INPP4B: variants seen among roughly 807,000 people sequenced by gnomAD.
The protein encoded by INPP4B is inositol polyphosphate-4-phosphatase type II B, also known as inositol polyphosphate 4-phosphatase type II.
Under a neutral mutation model 122.5 loss-of-function variants are expected in INPP4B, and 55 were observed. That is an observed-to-expected ratio of 0.45 (90% CI 0.36 to 0.56). The LOEUF is 0.56. Among genes scored for constraint, INPP4B ranks in the 20% least tolerant of loss-of-function variants. INPP4B has a pLI of 0.00. For missense variants in INPP4B, 1,000 were observed against 1,097.7 expected (o/e 0.91, Z 1.26); for synonymous variants, 403 against 388.7 (o/e 1.04, Z -0.43).
At chr4:142,507,773 C>T (rs1288269795) in intron 2 of INPP4B, among the ~76,000 whole-genome samples, 1 of 152,084 alleles carries the variant, frequency 6.6e-6, no homozygotes, top group African/African-American at 2.4e-5. Flanking sequence ...GGCAATAAAG[C>T]AGGCCTTGGC....
At chr4:142,694,605 T>C (rs1760760405) in intron 2 of INPP4B, among the ~76,000 whole-genome samples, 1 of 152,166 alleles carries the variant, frequency 6.6e-6, no homozygotes, top group Admixed American at 6.5e-5. Flanking sequence ...TTTAGAATTG[T>C]TTAACTTGTC....
At chr4:142,603,032 G>T (rs1740397498) in intron 2 of INPP4B, among the ~76,000 whole-genome samples, 1 of 152,090 alleles carries the variant, frequency 6.6e-6, no homozygotes, top group South Asian at 2.1e-4. Context: ...TATACACCAT[G>T]GAATACTACA....
chr4:142,583,088 T>C (rs953593876), intron 2 of INPP4B, among the ~76,000 whole-genome samples: 11 of 152,120 alleles, frequency 7.2e-5, no homozygotes, highest in African/African-American at 2.7e-4. Flanking sequence ...AGTTTCTTTG[T>C]CATAAAAATG....
At chr4:142,124,783 CA>C (rs748898117) in intron 18 of INPP4B, 23 bp from the exon 19 acceptor site, 1 of 1,487,994 alleles carries the variant, frequency 6.7e-7, no homozygotes, top group Non-Finnish European at 9.0e-7. Flanking sequence ...GGTGTAAGAA[CA>C]GTGCAATAGA....
At chr4:142,059,340 G>T (rs1390990) in intron 25 of INPP4B, among the ~76,000 whole-genome samples, 6 of 152,064 alleles carry the variant, frequency 3.9e-5, no homozygotes, top group East Asian at 1.9e-4. Flanking sequence ...ACTTTTCTTA[G>T]GCCTCCTACT....
intron 3 of INPP4B, among the ~76,000 whole-genome samples, chr4:142,438,037 C>T (rs1050292173): frequency 1.3e-5 from 2 of 152,070 alleles, no homozygotes; most frequent in East Asian, 1.9e-4. Flanking sequence ...AACCACTGCT[C>T]AAGGTAATAC....
At chr4:142,159,441 G>T (rs904211706) in intron 17 of INPP4B, among the ~76,000 whole-genome samples, 1 of 151,764 alleles carries the variant, frequency 6.6e-6, no homozygotes, top group African/African-American at 2.4e-5. Context: ...AGAAAAAGCA[G>T]GCATCACCTC....
intron 7 of INPP4B, among the ~76,000 whole-genome samples, chr4:142,323,622 T>C (rs920374945): frequency 6.6e-6 from 1 of 152,008 alleles, no homozygotes. Flanking sequence ...ATTTTTTGTA[T>C]TTTTAGTAGA....
At chr4:142,705,484 C>T (rs1004362807) in intron 2 of INPP4B, among the ~76,000 whole-genome samples, 1 of 151,844 alleles carries the variant, frequency 6.6e-6, no homozygotes, top group Admixed American at 6.6e-5. Context: ...CACACACACA[C>T]ACACACACAC....
At chr4:142,127,626 T>C (rs1266272731) in intron 18 of INPP4B, among the ~76,000 whole-genome samples, 1 of 152,198 alleles carries the variant, frequency 6.6e-6, no homozygotes, top group African/African-American at 2.4e-5. Context: ...TAATTATATA[T>C]ACTTTTTATG....
chr4:142,579,235 G>A (rs189230540), intron 2 of INPP4B, among the ~76,000 whole-genome samples: 1 of 152,072 alleles, frequency 6.6e-6, no homozygotes, highest in East Asian at 1.9e-4. Context: ...TATAAAAAGT[G>A]ATAAATGCTG....
intron 2 of INPP4B, among the ~76,000 whole-genome samples, chr4:142,594,564 T>C (rs1160051712): frequency 1.3e-5 from 2 of 152,170 alleles, no homozygotes; most frequent in Non-Finnish European, 2.9e-5. Flanking sequence ...ACAGACAGCC[T>C]GACTTTGGGG....
At chr4:142,532,494 T>G (rs1360108980) in intron 2 of INPP4B, among the ~76,000 whole-genome samples, 4 of 152,098 alleles carry the variant, frequency 2.6e-5, no homozygotes, top group Admixed American at 1.3e-4. Flanking sequence ...ATCCCTGGCT[T>G]CCCTTTTTCA....
intron 2 of INPP4B, among the ~76,000 whole-genome samples, chr4:142,540,603 G>C (rs1176961429): frequency 3.9e-5 from 6 of 152,220 alleles, no homozygotes; most frequent in Non-Finnish European, 8.8e-5. Flanking sequence ...AAGTCCTGAG[G>C]CAGTCTGTGT....
intron 2 of INPP4B, among the ~76,000 whole-genome samples, chr4:142,565,612 G>C (rs1401466880): frequency 6.6e-6 from 1 of 152,108 alleles, no homozygotes; most frequent in South Asian, 2.1e-4. Flanking sequence ...GTTGTTTCAG[G>C]CAAGAATCAT....
At chr4:142,306,496 G>A (rs1763419063) in intron 8 of INPP4B, among the ~76,000 whole-genome samples, 1 of 152,166 alleles carries the variant, frequency 6.6e-6, no homozygotes, top group Non-Finnish European at 1.5e-5. Context: ...GTCTGCTGCT[G>A]AGCTACACTA....
Position 142,391,576 on chromosome 4 carries a change from AC to A in INPP4B, c.372+11361del, listed in dbSNP as rs1417143466. Reference sequence around the variant, plus strand: ...GACTGTGTCTCAAAACAAACAAAAAACAAAACAAACAAAACAAACAAAAACA... The same window carrying A: ...GACTGTGTCTCAAAACAAACAAAAAAAAAACAAACAAAACAAACAAAAACA... On this transcript the variant is annotated intron_variant, in intron 7 of 25. Transcript: ENST00000262992. Among the ~76,000 whole-genome samples the A allele has an allele frequency of 8.2e-3, 1,247 of 152,170 alleles. 22 individuals are homozygous for A. Among genetic ancestry groups the A allele is most frequent in the African/African-American group, 0.027 (1,140 of 41,472 alleles).
chr4:142,246,122 A>G (rs545029153), intron 11 of INPP4B, among the ~76,000 whole-genome samples: 44 of 140,128 alleles, frequency 3.1e-4, no homozygotes, highest in African/African-American at 8.1e-4. Flanking sequence ...ATATATGTGT[A>G]TGTATACACA....
intron 5 of INPP4B, among the ~76,000 whole-genome samples, chr4:142,416,263 G>T (rs1805740956): frequency 6.6e-6 from 1 of 152,080 alleles, no homozygotes; most frequent in Non-Finnish European, 1.5e-5. Context: ...AATTTGTTTG[G>T]GCAGGAGGTA....
Sources: allele counts gnomAD v4.1 joint callset (sites outside exome capture counted in the v4.1 genomes callset), GRCh38; gene constraint gnomAD v4.1.1; transcripts MANE v1.5; gene names NCBI Gene and HGNC (gene_info 2026-07-23, HGNC 2026-07-21).